The following NAV3 variants were observed in gnomAD, a reference collection of about 807,000 sequenced individuals.
The protein encoded by NAV3 is pore membrane and/or filament interacting like protein 1.
In NAV3, 87 loss-of-function variants were observed where a neutral mutation model predicts 244.7. The ratio of observed to expected loss-of-function variants is 0.36; its 90% CI spans 0.30 to 0.42. The LOEUF is 0.42. Ranked by LOEUF, NAV3 falls within the 20% of genes least tolerant of loss-of-function variation. The pLI is 1.00. For missense variants in NAV3, 2,663 were observed against 2,893.3 expected (o/e 0.92, Z 1.83); for synonymous variants, 1,126 against 1,042.2 (o/e 1.08, Z -1.55).
At chr12:78,092,680 T>C (rs1197470421) in intron 12 of NAV3, among the ~76,000 whole-genome samples, 1 of 151,948 alleles carries the variant, frequency 6.6e-6, no homozygotes. Flanking sequence ...TTTGTGTTTT[T>C]AGTAGAGACT....
At chr12:77,959,866 T>G (rs1418996059) in intron 3 of NAV3, among the ~76,000 whole-genome samples, 1 of 117,408 alleles carries the variant, frequency 8.5e-6, no homozygotes, top group Non-Finnish European at 1.6e-5. Context: ...TCTATTCTCA[T>G]CAACATCTTT....
chr12:77,604,784 T>C (rs35159260), intron 2 of NAV3, among the ~76,000 whole-genome samples: 2,617 of 152,210 alleles, frequency 0.017, 35 homozygotes, highest in Non-Finnish European at 0.027. Context: ...TGCTTTTTCG[T>C]AAAGTTCCAA....
intron 2 of NAV3, among the ~76,000 whole-genome samples, chr12:77,670,313 A>G (rs576265318): frequency 6.6e-6 from 1 of 152,238 alleles, no homozygotes; most frequent in South Asian, 2.1e-4. Flanking sequence ...AAAAATTACC[A>G]ACCAAAAAAG....
intron 19 of NAV3, among the ~76,000 whole-genome samples, 183 bp from the exon 20 acceptor site, chr12:78,140,099 G>A (rs1028939374): frequency 6.6e-6 from 1 of 152,050 alleles, no homozygotes; most frequent in Non-Finnish European, 1.5e-5. Flanking sequence ...GTATGGATGG[G>A]GCTCTTCCAT....
At chr12:78,176,268 T>C (rs1958222787) in intron 25 of NAV3, among the ~76,000 whole-genome samples, 171 bp from the exon 26 acceptor site, 1 of 152,072 alleles carries the variant, frequency 6.6e-6, no homozygotes. Context: ...AATACAACTC[T>C]TGATGAAATC....
At chr12:77,647,762 ACTC>A (rs1175850734) in intron 2 of NAV3, among the ~76,000 whole-genome samples, 1 of 151,764 alleles carries the variant, frequency 6.6e-6, no homozygotes, top group Non-Finnish European at 1.5e-5. Flanking sequence ...CATTGACACT[ACTC>A]CTATATTATG....
chr12:78,128,959 C>T lies in NAV3; in HGVS notation c.4441+93C>T, dbSNP rs1316734658. 2.5e-6 allele frequency: 3 copies of T among 1,209,698 alleles called. No homozygotes were observed. In the African/African-American group the frequency reaches 4.6e-5, roughly 18 times the overall value. 74.9% of individuals were successfully genotyped at this position (1,209,698 alleles called of 1,614,324 possible). ...ATCTCTCCATAACACAACACGTTTTCATTTAAAGGGAGGGATAAAAGCACT... is the reference window on the plus strand; with the variant it reads ...ATCTCTCCATAACACAACACGTTTTTATTTAAAGGGAGGGATAAAAGCACT... On this transcript the variant is annotated intron_variant, in intron 18 of 39. Coordinates refer to ENST00000397909, the MANE Select transcript of NAV3 (RefSeq NM_001024383.2).
intron 16 of NAV3, among the ~76,000 whole-genome samples, chr12:78,124,439 ATGT>A (rs1955816221): frequency 3.9e-3 from 2 of 510 alleles, no homozygotes; most frequent in Non-Finnish European, 0.03. Flanking sequence ...AATTTTATTT[ATGT>A]TATGTTATGT....
chr12:77,871,579 T>A (rs964233716), intron 1 of NAV3, among the ~76,000 whole-genome samples: 1 of 152,230 alleles, frequency 6.6e-6, no homozygotes, highest in East Asian at 1.9e-4. Flanking sequence ...AGAATGATAG[T>A]TTCTAGCTTT....
intron 12 of NAV3, among the ~76,000 whole-genome samples, chr12:78,090,954 C>CTCTG (rs1302532736): frequency 3.5e-5 from 5 of 142,658 alleles, no homozygotes; most frequent in African/African-American, 1.3e-4. Flanking sequence ...GTGCTGTATT[C>CTCTG]TGTGTGTGTG....
upstream of NAV3, among the ~76,000 whole-genome samples, chr12:77,828,231 C>G (rs573132203): frequency 6.6e-6 from 1 of 152,218 alleles, no homozygotes; most frequent in South Asian, 2.1e-4. Context: ...CTTTCTGTCT[C>G]TCTTATATGA....
At chr12:77,742,592 AAC>A (rs1868357779) in intron 2 of NAV3, among the ~76,000 whole-genome samples, 1 of 152,106 alleles carries the variant, frequency 6.6e-6, no homozygotes, top group African/African-American at 2.4e-5. Flanking sequence ...ACTACCATAA[AAC>A]ACAAAAAAAT....
chr12:78,137,488 G>A, intron 19 of NAV3, 123 bp downstream of exon 19: 1 of 985,824 alleles, frequency 1.0e-6, no homozygotes, highest in Non-Finnish European at 1.4e-6. Context: ...TTATCATTTG[G>A]GAAACTAGAA....
intron 3 of NAV3, among the ~76,000 whole-genome samples, chr12:77,951,718 A>C (rs1593095004): frequency 6.6e-6 from 1 of 152,136 alleles, no homozygotes; most frequent in Non-Finnish European, 1.5e-5. Flanking sequence ...GCACATATAC[A>C]CCATGGAATA....
intron 5 of NAV3, among the ~76,000 whole-genome samples, chr12:77,980,189 A>T (rs182737030): frequency 1.1e-4 from 17 of 152,320 alleles, no homozygotes; most frequent in African/African-American, 3.4e-4. Flanking sequence ...AAAAAAACCC[A>T]GATAAGACAA....
Position 77,976,979 on chromosome 12 carries a change from C to T in NAV3, c.671+8277C>T, listed in dbSNP as rs11107639. The stretch of plus-strand genomic sequence containing the variant: ...CGTGAGCCACCACACCCGGCCTGTA[C>T]TGTATTCTCAATATTAATTTTGACA... On this transcript the variant is annotated intron_variant, in intron 5 of 39. Transcript: ENST00000397909. Among the ~76,000 whole-genome samples, 458 of 152,122 alleles carry T rather than the reference C, an allele frequency of 3.0e-3. 4 individuals are homozygous for T. The highest frequency in any genetic ancestry group is 0.01 in the African/African-American group (430 of 41,520).
At chr12:77,620,658 C>T (rs1394701348) in intron 2 of NAV3, among the ~76,000 whole-genome samples, 1 of 152,008 alleles carries the variant, frequency 6.6e-6, no homozygotes, top group African/African-American at 2.4e-5. Context: ...GATGCGGTTT[C>T]ACCATGTTGT....
chr12:78,184,725 C>T lies in NAV3; in HGVS notation c.5693-876C>T, dbSNP rs17044955. On this transcript the variant is annotated intron_variant, in intron 30 of 39. Transcript: ENST00000397909. Reference sequence around the variant, plus strand: ...TTTTTCTATAAATTTATTGTCAGAGCAGTTGAGTCCTCTTTTCACCAGGAA... The same window carrying T: ...TTTTTCTATAAATTTATTGTCAGAGTAGTTGAGTCCTCTTTTCACCAGGAA... 6.5e-3 allele frequency among the ~76,000 whole-genome samples: 988 copies of T among 151,668 alleles called. 12 individuals are homozygous for T. Among genetic ancestry groups the T allele is most frequent in the African/African-American group, 0.023 (943 of 41,468 alleles).
In NAV3 at chr12:78,119,918, C is replaced by T; in HGVS notation, c.3722C>T (p.Pro1241Leu). Residue 1241 changes from proline to leucine, a missense_variant, in exon 15 of 40, where the codon CCA becomes CTA. Physicochemically the swap from Pro to Leu is moderately conservative, Grantham distance 98. Coordinates refer to ENST00000397909, the MANE Select transcript of NAV3 (RefSeq NM_001024383.2). ...QGLRQPGSKY[P>L]DIASPTFRRL... The stretch of plus-strand genomic sequence containing the variant: ...CTCAGGCAGCCAGGATCCAAGTATC[C>T]AGATATTGCCTCACCCACATTTCGA... 6.2e-7 allele frequency: 1 copy of T among 1,612,944 alleles called. No individual in the cohort carries two copies. The highest frequency in any genetic ancestry group is 2.2e-5 in the East Asian group (1 of 44,836).
Sources: gnomAD v4.1 joint callset for allele counts (sites outside exome capture counted in the v4.1 genomes callset) on GRCh38, gnomAD v4.1.1 for gene constraint, MANE v1.5 for transcripts, NCBI Gene and HGNC (gene_info 2026-07-23, HGNC 2026-07-21) for gene names.